Variants in CPQ observed in about 807,000 individuals in gnomAD.
CPQ encodes Ser-Met dipeptidase.
Under a neutral mutation model 45.7 loss-of-function variants are expected in CPQ, and 37 were observed. The observed-to-expected ratio is 0.81, with a 90% CI of 0.62 to 1.07. The LOEUF is 1.07. Ranked by LOEUF, CPQ falls within the 50% of genes least tolerant of loss-of-function variation. The pLI is 0.00. For synonymous variants in CPQ, 186 were observed against 205.8 expected (o/e 0.90, Z 0.82); for missense variants, 537 against 572.9 (o/e 0.94, Z 0.64).
chr8:96,757,426 T>G (rs1436923326), intron 1 of CPQ, among the ~76,000 whole-genome samples: 3 of 150,264 alleles, frequency 2.0e-5, no homozygotes, highest in African/African-American at 7.3e-5. Context: ...TTGAAGGCAT[T>G]GCTTCTTTGT....
At chr8:96,715,671 T>C (rs1441036020) in intron 1 of CPQ, among the ~76,000 whole-genome samples, 1 of 152,162 alleles carries the variant, frequency 6.6e-6, no homozygotes, top group African/African-American at 2.4e-5. Flanking sequence ...AGTGCAGCAC[T>C]TCACTTTTGC....
intron 7 of CPQ, among the ~76,000 whole-genome samples, chr8:97,087,142 A>G (rs537346308): frequency 6.6e-6 from 1 of 152,202 alleles, no homozygotes; most frequent in Non-Finnish European, 1.5e-5. Flanking sequence ...AATGACCACA[A>G]TGGCTAATAG....
intron 4 of CPQ, among the ~76,000 whole-genome samples, chr8:96,896,194 T>C (rs117432034): frequency 0.016 from 2,481 of 152,116 alleles, 34 homozygotes; most frequent in Non-Finnish European, 0.024. Context: ...CTGTTTGAGT[T>C]TTTCCCTCTC....
chr8:97,087,982 T>A (rs1291900357), intron 7 of CPQ, among the ~76,000 whole-genome samples: 1 of 152,160 alleles, frequency 6.6e-6, no homozygotes, highest in East Asian at 1.9e-4. Flanking sequence ...AAATGCTTTT[T>A]TTATCAAGAG....
At chr8:96,846,106 C>T (rs945511303) in intron 3 of CPQ, among the ~76,000 whole-genome samples, 9 of 152,324 alleles carry the variant, frequency 5.9e-5, no homozygotes, top group East Asian at 3.9e-4. Flanking sequence ...GCATGAGCCA[C>T]GGCGCCCAGC....
chr8:96,975,340 AAAAAAAATTCCAAAC>A (rs1207225985), intron 5 of CPQ, among the ~76,000 whole-genome samples: 3 of 151,938 alleles, frequency 2.0e-5, no homozygotes, highest in African/African-American at 7.3e-5. Context: ...AATGGTAATT[AAAAAAAATTCCAAAC>A]AAAAAAATTC....
intron 1 of CPQ, among the ~76,000 whole-genome samples, chr8:96,743,304 C>G (rs1048968013): frequency 6.6e-6 from 1 of 151,660 alleles, no homozygotes; most frequent in African/African-American, 2.4e-5. Context: ...ACGTAGTTCT[C>G]GAGCCTTGGT....
At position 96,737,592 on chromosome 8, in the gene CPQ, A is replaced by G. The variant is rs547456180; in HGVS notation, c.-34-47272A>G. On this transcript the variant is annotated intron_variant, in intron 1 of 7. Transcript: ENST00000220763. ...CCTGCTTTATATTTGCTGGAAGCTC[A>G]TTAGATAGTGCCCACCAGATTAAGG... Among the ~76,000 whole-genome samples the G allele has an allele frequency of 1.5e-4, 23 of 152,130 alleles. No homozygotes were observed. In the South Asian group the frequency reaches 4.6e-3, roughly 30 times the overall value.
At chr8:96,892,455 T>A (rs553131697) in intron 4 of CPQ, among the ~76,000 whole-genome samples, 2 of 152,362 alleles carry the variant, frequency 1.3e-5, no homozygotes, top group South Asian at 4.1e-4. Flanking sequence ...AAGTAATTAT[T>A]AAATGTTTCA....
chr8:96,833,659 AG>A lies in CPQ; in HGVS notation c.434-1313del, dbSNP rs1367680121. ...TTATGTATGCATATTATATGAAAAA[AG>A]CTGGTGGTTTCCTTAGTTTCCATAA... On this transcript the variant is annotated intron_variant, in intron 2 of 7. Transcript: ENST00000220763. 2.0e-5 allele frequency among the ~76,000 whole-genome samples: 3 copies of A among 152,200 alleles called. No individual in the cohort carries two copies. The East Asian group carries it at 5.8e-4, about 29-fold the overall frequency.
intron 7 of CPQ, among the ~76,000 whole-genome samples, chr8:97,106,124 G>A (rs1475653971): frequency 6.6e-6 from 1 of 152,190 alleles, no homozygotes; most frequent in Admixed American, 6.5e-5. Context: ...GAGATTGGAG[G>A]GCTTGGATTC....
intron 1 of CPQ, among the ~76,000 whole-genome samples, chr8:96,725,615 A>C (rs1395441408): frequency 2.0e-5 from 3 of 152,214 alleles, no homozygotes; most frequent in African/African-American, 7.2e-5. Context: ...AGAAAAGGGA[A>C]TGCTTATATG....
chr8:96,674,329 T>C (rs1013765631), intron 1 of CPQ, among the ~76,000 whole-genome samples: 2 of 152,168 alleles, frequency 1.3e-5, no homozygotes, highest in African/African-American at 4.8e-5. Context: ...TTGAGACTGA[T>C]AAATACGCTC....
Position 96,997,135 on chromosome 8 carries a change from A to G in CPQ, c.961+31089A>G, listed in dbSNP as rs182064227. ...AAAAATTTCTCCCAGAGATACCTCA[A>G]TTTTGATCAAAAGCATTCACAAGTC... On this transcript the variant is annotated intron_variant, in intron 5 of 7. Coordinates refer to ENST00000220763, the MANE Select transcript of CPQ (RefSeq NM_016134.4). Among the ~76,000 whole-genome samples, 125 of 152,078 alleles carry G rather than the reference A, an allele frequency of 8.2e-4. 1 individual carries two copies. The highest frequency in any genetic ancestry group is 2.9e-3 in the African/African-American group (122 of 41,532).
chr8:96,719,275 G>A (rs1364730104), intron 1 of CPQ, among the ~76,000 whole-genome samples: 1 of 152,224 alleles, frequency 6.6e-6, no homozygotes, highest in African/African-American at 2.4e-5. Flanking sequence ...GCGCAGCGCT[G>A]GTGGGCTGGC....
chr8:96,716,691 T>C (rs1809677814), intron 1 of CPQ, among the ~76,000 whole-genome samples: 1 of 152,120 alleles, frequency 6.6e-6, no homozygotes, highest in Admixed American at 6.5e-5. Flanking sequence ...GCAGATCACC[T>C]GAGGTCAGGA....
chr8:96,889,892 G>A (rs192687783), intron 4 of CPQ, among the ~76,000 whole-genome samples: 21 of 152,140 alleles, frequency 1.4e-4, no homozygotes, highest in Admixed American at 1.3e-3. Flanking sequence ...GCCTCTTCCC[G>A]TCCACTGACT....
chr8:97,010,605 C>T (rs918991723), intron 5 of CPQ, among the ~76,000 whole-genome samples: 2 of 152,160 alleles, frequency 1.3e-5, no homozygotes, highest in Admixed American at 1.3e-4. Flanking sequence ...TGTCTCTAAA[C>T]ACAGCATCAG....
chr8:96,753,065 GA>G (rs1810282171), intron 1 of CPQ, among the ~76,000 whole-genome samples: 1 of 152,026 alleles, frequency 6.6e-6, no homozygotes, highest in Non-Finnish European at 1.5e-5. Flanking sequence ...AAATGTATTT[GA>G]AATTAATTTT....
Sources: gnomAD v4.1 joint callset for allele counts (sites outside exome capture counted in the v4.1 genomes callset) on GRCh38, gnomAD v4.1.1 for gene constraint, MANE v1.5 for transcripts, NCBI Gene and HGNC (gene_info 2026-07-23, HGNC 2026-07-21) for gene names.